TXNL4A: variants seen among roughly 807,000 people sequenced by gnomAD.
The protein encoded by TXNL4A is thioredoxin like 4A, also known as thioredoxin-like protein 4A.
Under a neutral mutation model 14.6 loss-of-function variants are expected in TXNL4A, and 17 were observed. That is an observed-to-expected ratio of 1.16 (90% CI 0.80 to 1.74). The LOEUF is 1.74. Ranked by LOEUF, TXNL4A falls within the 40% of genes most tolerant of loss-of-function variation. The probability of loss-of-function intolerance (pLI) is 0.00; values close to 1 mark genes in which losing one functional copy is unlikely to be tolerated. For missense variants in TXNL4A, 74 were observed against 195.2 expected, an observed-to-expected ratio of 0.38 and a Z score of 3.70; for synonymous variants, 83 against 70.6, an observed-to-expected ratio of 1.18 and a Z score of -0.88.
intron 2 of TXNL4A, among the ~76,000 whole-genome samples, chr18:79,975,353 TA>T (rs1322182773): frequency 6.6e-6 from 1 of 152,204 alleles, no homozygotes; most frequent in African/African-American, 2.4e-5. Context: ...CCGTTTGTCT[TA>T]AAATTCTAAA....
chr18:80,025,714 C>G (rs2051880105), intron 1 of TXNL4A, among the ~76,000 whole-genome samples: 2 of 152,228 alleles, frequency 1.3e-5, no homozygotes, highest in South Asian at 4.1e-4. Flanking sequence ...AGTATCAGAA[C>G]CTATGACCCA....
intron 1 of TXNL4A, 74 bp downstream of exon 1, chr18:79,988,166 C>T: frequency 7.5e-7 from 1 of 1,338,156 alleles, no homozygotes; most frequent in Non-Finnish European, 9.7e-7. Context: ...CGCCCCCAGG[C>T]GACGCCGGCA....
At chr18:80,019,174 T>G (rs1348979608) in intron 1 of TXNL4A, among the ~76,000 whole-genome samples, 1 of 152,214 alleles carries the variant, frequency 6.6e-6, no homozygotes, top group Non-Finnish European at 1.5e-5. Flanking sequence ...CTGGTACCAA[T>G]GTACTGCATT....
At position 80,011,930 on chromosome 18, in the gene TXNL4A, T is replaced by C. The variant is rs927564384; in HGVS notation, c.-61+21921A>G. Among the ~76,000 whole-genome samples the C allele has an allele frequency of 6.6e-6, 1 of 152,142 alleles. No individual in the cohort carries two copies. The highest frequency in any genetic ancestry group is 1.5e-5 in the Non-Finnish European group (1 of 68,042). ...CGAGACTGCTAAACATCTTATTGAG[T>C]GACTAACGAGTTCTCCTTCACTGAT... On this transcript the variant is annotated intron_variant, in intron 1 of 2. Transcript: ENST00000585474. The surrounding 1 kb of genome is among the most constrained non-coding windows in gnomAD (Gnocchi z 4.1).
intron 1 of TXNL4A, among the ~76,000 whole-genome samples, chr18:80,028,819 C>G (rs1182514869): frequency 6.6e-6 from 1 of 152,150 alleles, no homozygotes; most frequent in African/African-American, 2.4e-5. Context: ...GATATTTAGC[C>G]TCCTCAGGGC....
chr18:80,028,168 TC>T (rs2051897311), intron 1 of TXNL4A, among the ~76,000 whole-genome samples: 2 of 149,250 alleles, frequency 1.3e-5, no homozygotes, highest in Admixed American at 1.3e-4. Flanking sequence ...ATGGTGATCA[TC>T]AGAGGCCTAT....
Position 79,982,246 on chromosome 18 carries a change from G to A in TXNL4A, c.154-4545C>T, listed in dbSNP as rs965468910. On this transcript the variant is annotated intron_variant, in intron 1 of 2. Transcript: ENST00000269601. This position sits in a 1 kb window ranked among gnomAD's most constrained non-coding sequence, Gnocchi z 4.0. ...AGTGCAGGACAGTGGGGACCGATGC[G>A]CAGGTGGACTGGCCCACAGAGGACC... Among the ~76,000 whole-genome samples, 16 of 152,220 alleles carry A rather than the reference G, an allele frequency of 1.1e-4. No homozygotes were observed. Among genetic ancestry groups the A allele is most frequent in the African/African-American group, 3.6e-4 (15 of 41,452 alleles).
chr18:79,999,258 G>A lies in TXNL4A; in HGVS notation c.-60-21557C>T, dbSNP rs149247653. Among the ~76,000 whole-genome samples, 62 of 152,144 alleles carry A rather than the reference G, an allele frequency of 4.1e-4. No homozygotes were observed. In the East Asian group the frequency reaches 0.01, roughly 25 times the overall value. On this transcript the variant is annotated intron_variant, in intron 1 of 2. Coordinates refer to the TXNL4A transcript ENST00000585474. ...GAGCTGTTAGAAGCTATTCTAGGCC[G>A]GGTGCAGTGACTCACGCCTGTAATC...
intron 1 of TXNL4A, among the ~76,000 whole-genome samples, chr18:80,022,247 T>C (rs1002614158): frequency 7.6e-4 from 115 of 152,190 alleles, no homozygotes; most frequent in African/African-American, 2.6e-3. Flanking sequence ...GAGGAGCTAA[T>C]GATCTGGCTA....
At chr18:79,995,639 T>TC (rs1233195542) in intron 1 of TXNL4A, among the ~76,000 whole-genome samples, 2 of 152,158 alleles carry the variant, frequency 1.3e-5, no homozygotes, top group East Asian at 3.8e-4. Context: ...ACTAATGAAC[T>TC]AGTTAGCTGA....
chr18:79,999,467 T>A (rs1599740235), intron 1 of TXNL4A, among the ~76,000 whole-genome samples: 1 of 132,826 alleles, frequency 7.5e-6, no homozygotes. Context: ...ACCCGGGAGG[T>A]GGAGGTTACA....
chr18:80,012,402 G>A (rs185021667), intron 1 of TXNL4A, among the ~76,000 whole-genome samples: 226 of 152,284 alleles, frequency 1.5e-3, no homozygotes, highest in African/African-American at 5.2e-3. Flanking sequence ...CAATGCTACC[G>A]TGTTAGAAGG....
upstream of TXNL4A, among the ~76,000 whole-genome samples, chr18:79,990,635 G>T (rs2051620939): frequency 6.6e-6 from 1 of 152,186 alleles, no homozygotes; most frequent in African/African-American, 2.4e-5. Context: ...TTTATTCACA[G>T]GAGAGTTGTT....
At chr18:80,017,085 G>C (rs1269222708) in intron 1 of TXNL4A, among the ~76,000 whole-genome samples, 1 of 148,648 alleles carries the variant, frequency 6.7e-6, no homozygotes, top group East Asian at 2.0e-4. Context: ...CACATCCCTT[G>C]TAAGTTGGAT....
At chr18:79,983,305 T>C (rs1281280080) in intron 1 of TXNL4A, among the ~76,000 whole-genome samples, 2 of 152,198 alleles carry the variant, frequency 1.3e-5, no homozygotes, top group African/African-American at 4.8e-5. Context: ...TGGCCTCAAA[T>C]TGTTTTTAAA....
At chr18:80,031,340 T>A (rs1344781102) in intron 1 of TXNL4A, among the ~76,000 whole-genome samples, 1 of 152,168 alleles carries the variant, frequency 6.6e-6, no homozygotes, top group East Asian at 1.9e-4. Flanking sequence ...AGTGACCAAC[T>A]ATTTATTGGC....
intron 1 of TXNL4A, among the ~76,000 whole-genome samples, chr18:79,978,272 T>C (rs28753938): frequency 0.042 from 6,452 of 152,254 alleles, 456 homozygotes; most frequent in African/African-American, 0.15. Context: ...AATAGTTACA[T>C]GCATCTCACA....
rs2051591170 is a variant in TXNL4A, at chr18:79,988,436, A to C, written c.-44T>G. On this transcript the variant is annotated 5_prime_UTR_variant, in exon 1 of 3. Coordinates refer to ENST00000269601, the MANE Select transcript of TXNL4A (RefSeq NM_006701.5). The stretch of plus-strand genomic sequence containing the variant: ...CGCCGCCCAAGGCGGGGCGCCAGGG[A>C]GGGCCCAGCGAGGTGGGCTCAGCCG... The C allele has an allele frequency of 7.2e-7, 1 of 1,385,230 alleles. No individual in the cohort carries two copies. The highest frequency in any genetic ancestry group is 2.5e-5 in the Admixed American group (1 of 40,662). The allele number at this position is 1,385,230 out of a possible 1,614,324, so 85.8% of individuals were successfully genotyped here.
chr18:79,997,123 A>T (rs546172461), intron 1 of TXNL4A, among the ~76,000 whole-genome samples: 1 of 152,240 alleles, frequency 6.6e-6, no homozygotes, highest in South Asian at 2.1e-4. Flanking sequence ...TCTTCCTGTT[A>T]ACTCCAGAAG....
Sources: allele counts gnomAD v4.1 joint callset (sites outside exome capture counted in the v4.1 genomes callset), GRCh38; gene constraint gnomAD v4.1.1; non-coding constraint Gnocchi (gnomAD v3.1); transcripts MANE v1.5; gene names NCBI Gene and HGNC (gene_info 2026-07-23, HGNC 2026-07-21).